The following PTPRQ variants were observed in gnomAD, a reference collection of about 807,000 sequenced individuals.
PTPRQ encodes protein tyrosine phosphatase receptor type Q, also known as phosphatidylinositol phosphatase PTPRQ.
A neutral mutation model predicts 246.0 loss-of-function variants in PTPRQ; 199 were observed. The observed-to-expected ratio is 0.81, with a 90% confidence interval of 0.72 to 0.91. The LOEUF (loss-of-function observed/expected upper bound fraction) is 0.91, where lower values mean the gene tolerates loss of function less well. Among genes scored for constraint, PTPRQ ranks in the 40% least tolerant of loss-of-function variants. PTPRQ has a pLI of 0.00. For synonymous variants in PTPRQ, 869 were observed against 853.2 expected (o/e 1.02, Z -0.32); for missense variants, 2,624 against 2,528.4 (o/e 1.04, Z -0.81).
chr12:80,551,121 G>C (rs1896462759), intron 25 of PTPRQ, among the ~76,000 whole-genome samples: 1 of 151,622 alleles, frequency 6.6e-6, no homozygotes, highest in Admixed American at 6.6e-5. Context: ...TCTTTTTCTT[G>C]CACATTCACC....
intron 8 of PTPRQ, among the ~76,000 whole-genome samples, chr12:80,481,158 T>C (rs1056916719): frequency 2.0e-5 from 3 of 152,090 alleles, no homozygotes; most frequent in African/African-American, 4.8e-5. Flanking sequence ...CAGCAGCACA[T>C]CAGAAAGCTT....
intron 26 of PTPRQ, among the ~76,000 whole-genome samples, chr12:80,597,296 A>G (rs1898001440): frequency 6.6e-6 from 1 of 152,026 alleles, no homozygotes; most frequent in Admixed American, 6.6e-5. Context: ...CTCCAGTATG[A>G]CGATGGCCTT....
chr12:80,495,219 A>T lies in PTPRQ; in HGVS notation c.1730A>T (p.Tyr577Phe), dbSNP rs1443104158. ...QVPSSIKIIN[Y>F]KNISSSSILL... is the part of the protein sequence containing the mutation. ...CCAAGCTCCATTAAAATTATAAACT[A>T]TAAAAATATTAGTTCTTCATCTATT... The change falls in exon 12 of 45, where the codon TAT becomes TTT. Residue 577 changes from tyrosine (Y) to phenylalanine (F), a missense_variant. Physicochemically the swap from Tyr to Phe is conservative, Grantham distance 22. Transcript: ENST00000644991. 1.3e-6 allele frequency: 2 copies of T among 1,538,810 alleles called. No individual in the cohort carries two copies. Among genetic ancestry groups the T allele is most frequent in the South Asian group, 1.2e-5 (1 of 80,376 alleles).
At chr12:80,566,690 C>A (rs1359400323) in intron 25 of PTPRQ, among the ~76,000 whole-genome samples, 1 of 151,842 alleles carries the variant, frequency 6.6e-6, no homozygotes, top group Non-Finnish European at 1.5e-5. Context: ...CAGGCACATG[C>A]CACCACACCT....
Position 80,610,583 on chromosome 12 carries a change from G to A in PTPRQ, c.4876G>A (p.Gly1626Arg), listed in dbSNP as rs1338366395. The change falls in exon 28 of 45, where the codon GGG (glycine) becomes AGG (arginine). Residue 1626 changes from glycine (G) to arginine (R), a missense_variant. Transcript: ENST00000644991. Reference sequence around the variant, plus strand: ...GAACATTAGTGCTGCATATGTAGAAGGGAAGTCAAGTGCTGAAATGATTGT... The same window carrying A: ...GAACATTAGTGCTGCATATGTAGAAAGGAAGTCAAGTGCTGAAATGATTGT... Reference protein sequence around the residue: ...TGNISAAYVEGKSSAEMIVTT... With the variant: ...TGNISAAYVERKSSAEMIVTT... The A allele has an allele frequency of 3.9e-6, 6 of 1,543,430 alleles. No individual in the cohort carries two copies. The highest frequency in any genetic ancestry group is 5.3e-6 in the Non-Finnish European group (6 of 1,141,368).
intron 27 of PTPRQ, among the ~76,000 whole-genome samples, chr12:80,606,609 G>A (rs1049914989): frequency 6.6e-6 from 1 of 150,944 alleles, no homozygotes; most frequent in African/African-American, 2.4e-5. Flanking sequence ...ATAGCATAGT[G>A]ATTTCTCCTC....
intron 38 of PTPRQ, among the ~76,000 whole-genome samples, chr12:80,656,832 C>A (rs1358253719): frequency 6.9e-6 from 1 of 144,456 alleles, no homozygotes; most frequent in Non-Finnish European, 1.5e-5. Flanking sequence ...GTTGTTCCAA[C>A]GACAACAGAT....
At chr12:80,638,331 T>C (rs761143456) in intron 35 of PTPRQ, among the ~76,000 whole-genome samples, 59 of 151,956 alleles carry the variant, frequency 3.9e-4, no homozygotes, top group Non-Finnish European at 6.9e-4. Context: ...CTTAGGCATG[T>C]CCTTTTTATT....
At chr12:80,517,075 G>A (rs1895325922) in intron 17 of PTPRQ, among the ~76,000 whole-genome samples, 1 of 152,112 alleles carries the variant, frequency 6.6e-6, no homozygotes, top group African/African-American at 2.4e-5. Flanking sequence ...TTTCCTGATA[G>A]TCATTTTTCT....
rs1017840449 is a variant in PTPRQ, at chr12:80,619,387, C to T, written c.5234C>T (p.Pro1745Leu). The T allele has an allele frequency of 6.5e-7, 1 of 1,546,586 alleles. No homozygotes were observed. Among genetic ancestry groups the T allele is most frequent in the South Asian group, 1.2e-5 (1 of 83,726 alleles). Reference sequence around the variant, plus strand: ...GATATTTCTTCTTTGTTTATAGCTCCAGCACGACCAAAAACCAAACCAACC... The same window carrying T: ...GATATTTCTTCTTTGTTTATAGCTCTAGCACGACCAAAAACCAAACCAACC... ...PMRITMDIKA[P>L]ARPKTKPTPI... The change falls in exon 31 of 45, where the codon CCA becomes CTA. Residue 1745 changes from proline to leucine, a missense_variant. By Grantham distance (98) the Pro-to-Leu change is moderately conservative. Transcript: ENST00000644991.
At chr12:80,656,874 C>A (rs1458410059) in intron 38 of PTPRQ, among the ~76,000 whole-genome samples, 2 of 119,170 alleles carry the variant, frequency 1.7e-5, no homozygotes, top group African/African-American at 5.1e-5. Context: ...TACCTCATTC[C>A]TCAAAAAAAA....
chr12:80,479,718 G>A (rs1337004266), intron 8 of PTPRQ, among the ~76,000 whole-genome samples: 2 of 148,806 alleles, frequency 1.3e-5, no homozygotes, highest in Non-Finnish European at 3.0e-5. Context: ...AAAGGCAGGG[G>A]TTGCAATCCT....
intron 14 of PTPRQ, among the ~76,000 whole-genome samples, chr12:80,499,870 G>A (rs1894742789): frequency 1.3e-5 from 2 of 151,692 alleles, no homozygotes; most frequent in Admixed American, 1.3e-4. Flanking sequence ...CTCATACTTA[G>A]GGTGTAATAA....
intron 26 of PTPRQ, among the ~76,000 whole-genome samples, chr12:80,600,597 A>T (rs1898110251): frequency 6.6e-6 from 1 of 151,784 alleles, no homozygotes; most frequent in Admixed American, 6.6e-5. Context: ...ATAATGTGCC[A>T]CTCTACTTGC....
intron 26 of PTPRQ, among the ~76,000 whole-genome samples, chr12:80,595,094 C>T (rs1897925571): frequency 6.6e-6 from 1 of 152,118 alleles, no homozygotes; most frequent in Non-Finnish European, 1.5e-5. Flanking sequence ...TCCTTTCTTT[C>T]CTCCTCTTCT....
intron 34 of PTPRQ, among the ~76,000 whole-genome samples, chr12:80,632,532 T>C (rs1214662498): frequency 6.6e-6 from 1 of 152,122 alleles, no homozygotes; most frequent in Non-Finnish European, 1.5e-5. Flanking sequence ...AAACATTTAA[T>C]GTAAAGAATT....
rs763138435 is a variant in PTPRQ at position 80,472,109 on chromosome 12, CA to C, written c.1045del (p.Ile349PhefsTer16). ...RVELYGPSGR[I>X]LDNSTKDLKF... ...GCTATCTTCCACTTTTTGCAGGTCG[CA>C]TTTTGGATAACAGCACAAAAGACCT... On this transcript the variant is annotated frameshift_variant, in exon 8 of 45. Coordinates refer to ENST00000644991, the MANE Select transcript of PTPRQ (RefSeq NM_001145026.2). LOFTEE classifies it high-confidence loss of function. 1 of 1,550,264 alleles carries C rather than the reference CA, an allele frequency of 6.5e-7. No homozygotes were observed. Among genetic ancestry groups the C allele is most frequent in the South Asian group, 1.2e-5 (1 of 83,640 alleles).
chr12:80,583,466 T>A (rs1331735485), intron 25 of PTPRQ, among the ~76,000 whole-genome samples: 1 of 152,162 alleles, frequency 6.6e-6, no homozygotes, highest in Non-Finnish European at 1.5e-5. Context: ...AGTGCAGAGC[T>A]GAGATTTATA....
intron 9 of PTPRQ, 25 bp downstream of exon 9, chr12:80,484,630 TG>T: frequency 1.3e-6 from 2 of 1,546,050 alleles, no homozygotes; most frequent in Non-Finnish European, 8.7e-7. Context: ...TTTCACTTAT[TG>T]GTGAACCCTT....
Sources: gnomAD v4.1 joint callset for allele counts (sites outside exome capture counted in the v4.1 genomes callset) on GRCh38, gnomAD v4.1.1 for gene constraint, MANE v1.5 for transcripts, NCBI Gene and HGNC (gene_info 2026-07-23, HGNC 2026-07-21) for gene names.